XRN2: variants seen among roughly 807,000 people sequenced by gnomAD.
XRN2 encodes the protein 5'-3' exoribonuclease 2, also known as DHM1-like protein.
XRN2 carries 44 observed loss-of-function variants against 138.5 expected under a neutral mutation model. The observed-to-expected ratio is 0.32, with a 90% CI of 0.25 to 0.41. The LOEUF (loss-of-function observed/expected upper bound fraction) is 0.41, where lower values mean the gene tolerates loss of function less well. Among genes scored for constraint, XRN2 ranks in the 10% least tolerant of loss-of-function variants. The probability of loss-of-function intolerance (pLI) is 1.00; values close to 1 mark genes in which losing one functional copy is unlikely to be tolerated. For synonymous variants in XRN2, 354 were observed against 369.4 expected (o/e 0.96, Z 0.48); for missense variants, 937 against 1,169.3 (o/e 0.80, Z 2.90).
chr20:21,364,643 C>CA (rs1161080110), intron 24 of XRN2, among the ~76,000 whole-genome samples: 2 of 151,902 alleles, frequency 1.3e-5, no homozygotes, highest in African/African-American at 4.8e-5. Flanking sequence ...CCCATCTCTA[C>CA]AAAAAATACA....
intron 1 of XRN2, among the ~76,000 whole-genome samples, chr20:21,310,237 A>G (rs1302890305): frequency 1.3e-5 from 2 of 152,136 alleles, no homozygotes; most frequent in Non-Finnish European, 2.9e-5. Flanking sequence ...CACACATGGG[A>G]GATTTTCCAG....
intron 17 of XRN2, 105 bp downstream of exon 17, chr20:21,346,655 T>C: frequency 7.1e-7 from 1 of 1,404,984 alleles, no homozygotes; most frequent in Non-Finnish European, 9.7e-7. Flanking sequence ...AGTCTTGCCC[T>C]GTCACCTGGG....
At chr20:21,312,719 T>C (rs1009247548) in intron 1 of XRN2, among the ~76,000 whole-genome samples, 1 of 151,702 alleles carries the variant, frequency 6.6e-6, no homozygotes, top group African/African-American at 2.4e-5. Flanking sequence ...AAGCCATTCT[T>C]CCTCAGCCTC....
chr20:21,343,829 T>G (rs2038402196), intron 15 of XRN2, among the ~76,000 whole-genome samples: 1 of 151,972 alleles, frequency 6.6e-6, no homozygotes, highest in African/African-American at 2.4e-5. Flanking sequence ...TTTTTTTTCT[T>G]CAGAAACTTT....
intron 27 of XRN2, among the ~76,000 whole-genome samples, chr20:21,377,203 A>G (rs2038831987): frequency 6.7e-6 from 1 of 148,312 alleles, no homozygotes; most frequent in Admixed American, 6.7e-5. Context: ...TGAAGAAAGG[A>G]AATCTGATAT....
At position 21,348,425 on chromosome 20, in the gene XRN2, G is replaced by A. The variant is rs922522239; in HGVS notation, c.1858G>A (p.Asp620Asn). The A allele has an allele frequency of 5.0e-6, 8 of 1,613,594 alleles. No individual in the cohort carries two copies. The highest frequency in any genetic ancestry group is 1.3e-5 in the African/African-American group (1 of 74,882). ...LPPSWRKLMSDPDSSIIDFYP... is the reference protein window; with the variant it reads ...LPPSWRKLMSNPDSSIIDFYP... Reference sequence around the variant, plus strand: ...TCCATCATGGCGGAAGCTCATGAGTGATCCTGTGAGTCTCAGTATTTTGAG... The same window carrying A: ...TCCATCATGGCGGAAGCTCATGAGTAATCCTGTGAGTCTCAGTATTTTGAG... The change falls in exon 19 of 30, where the codon GAT (aspartate) becomes AAT (asparagine). Residue 620 changes from aspartate to asparagine, a missense_variant. Transcript: ENST00000377191.
chr20:21,342,156 A>G (rs1250071626), intron 15 of XRN2, among the ~76,000 whole-genome samples: 1 of 152,190 alleles, frequency 6.6e-6, no homozygotes, highest in Non-Finnish European at 1.5e-5. Context: ...TTGAAGTCAA[A>G]TTACCAGTTT....
In XRN2 at chr20:21,332,173, T is replaced by C. The variant is rs978046609; in HGVS notation, c.701-110T>C. The C allele has an allele frequency of 1.7e-5, 23 of 1,338,276 alleles. No individual in the cohort carries two copies. The African/African-American group carries it at 3.4e-4, about 20-fold the overall frequency. 82.9% of individuals were successfully genotyped at this position (1,338,276 alleles called of 1,614,324 possible). On this transcript the variant is annotated intron_variant, in intron 8 of 29. Coordinates refer to ENST00000377191, the MANE Select transcript of XRN2 (RefSeq NM_012255.5). ...TCAAGCTTTGGGGCTTTGCTGCTCA[T>C]TTGGGTGCTCATTTGGGCTTTTCTT...
intron 15 of XRN2, among the ~76,000 whole-genome samples, chr20:21,343,063 A>G (rs1257385291): frequency 1.3e-5 from 2 of 152,146 alleles, no homozygotes; most frequent in Non-Finnish European, 2.9e-5. Context: ...GACCTGTGGT[A>G]TGAACTGTGT....
In XRN2 at chr20:21,331,725, TATATA is replaced by T. The variant is rs766399529; in HGVS notation, c.650-37_650-33del. On this transcript the variant is annotated intron_variant, in intron 7 of 29. Transcript: ENST00000377191. ...TTGGTATGAAGTGATATTCTTGTGG[TATATA>T]ATATATTAATATAAATACATGTTTC... 9 of 1,586,588 alleles carry T rather than the reference TATATA, an allele frequency of 5.7e-6. No individual in the cohort carries two copies. The African/African-American group carries it at 6.8e-5, about 12-fold the overall frequency.
chr20:21,340,466 T>C (rs1054736988), intron 14 of XRN2, among the ~76,000 whole-genome samples: 2 of 152,238 alleles, frequency 1.3e-5, no homozygotes, highest in Non-Finnish European at 2.9e-5. Flanking sequence ...ATTTTCTCTA[T>C]GTTTCAGTAT....
At chr20:21,327,810 A>G (rs1441428857) in intron 3 of XRN2, among the ~76,000 whole-genome samples, 2 of 152,174 alleles carry the variant, frequency 1.3e-5, no homozygotes, top group Non-Finnish European at 2.9e-5. Flanking sequence ...GTTTAAAGAG[A>G]ATATTAAATA....
intron 27 of XRN2, among the ~76,000 whole-genome samples, chr20:21,373,797 A>T (rs1016842822): frequency 1.3e-5 from 2 of 152,032 alleles, no homozygotes; most frequent in African/African-American, 4.8e-5. Flanking sequence ...GTAGTGTTCA[A>T]GGTTTGTGTG....
chr20:21,362,892 C>T (rs979039270), intron 24 of XRN2, among the ~76,000 whole-genome samples: 3 of 152,150 alleles, frequency 2.0e-5, no homozygotes, highest in African/African-American at 7.2e-5. Flanking sequence ...AATGTACTCA[C>T]TCATCATTTT....
Position 21,333,704 on chromosome 20 carries a change from T to C in XRN2, c.934T>C (p.Tyr312His). ...TGGCAGCATTCCTTTTTGGTTGTAG[T>C]ATTTGGAAAGAGAACTCACAATGGC... ...IFLRLNVLRE[Y>H]LERELTMASL... is the part of the protein sequence containing the mutation. The change falls in exon 11 of 30, where the codon TAT becomes CAT. Residue 312 changes from tyrosine (Y) to histidine (H), a missense_variant and splice_region_variant. Physicochemically the swap from Tyr to His is moderately conservative, Grantham distance 83 (BLOSUM62 2). Coordinates refer to ENST00000377191, the MANE Select transcript of XRN2 (RefSeq NM_012255.5). 1 of 1,614,066 alleles carries C rather than the reference T, an allele frequency of 6.2e-7. No individual in the cohort carries two copies. The highest frequency in any genetic ancestry group is 2.2e-5 in the East Asian group (1 of 44,870).
At chr20:21,382,098 C>A in intron 28 of XRN2, 41 bp downstream of exon 28, 1 of 1,552,712 alleles carries the variant, frequency 6.4e-7, no homozygotes, top group Non-Finnish European at 8.8e-7. Flanking sequence ...TACTTTCTGA[C>A]ACCAACATTT....
At chr20:21,341,238 C>A (rs1568580813) in intron 15 of XRN2, among the ~76,000 whole-genome samples, 1 of 152,184 alleles carries the variant, frequency 6.6e-6, no homozygotes, top group Non-Finnish European at 1.5e-5. Context: ...CAAGGGACAT[C>A]CATATGTCTC....
At chr20:21,347,922 T>C (rs938384860) in intron 17 of XRN2, among the ~76,000 whole-genome samples, 8 of 152,242 alleles carry the variant, frequency 5.3e-5, no homozygotes, top group Non-Finnish European at 7.3e-5. Flanking sequence ...AAAGATGCTT[T>C]GTAGCATTTT....
intron 1 of XRN2, among the ~76,000 whole-genome samples, chr20:21,317,720 G>A (rs1304038034): frequency 6.6e-6 from 1 of 152,146 alleles, no homozygotes; most frequent in Non-Finnish European, 1.5e-5. Context: ...GTACCATTTA[G>A]GGAATAATGA....
Sources: gnomAD v4.1 joint callset for allele counts (sites outside exome capture counted in the v4.1 genomes callset) on GRCh38, gnomAD v4.1.1 for gene constraint, MANE v1.5 for transcripts, NCBI Gene and HGNC (gene_info 2026-07-23, HGNC 2026-07-21) for gene names.